Variants in MYO5B observed in about 807,000 individuals in gnomAD.
The protein encoded by MYO5B is unconventional myosin-Vb.
In MYO5B, 143 loss-of-function variants were observed where a neutral mutation model predicts 229.3. The ratio of observed to expected loss-of-function variants is 0.62; its 90% CI spans 0.54 to 0.72. The LOEUF (loss-of-function observed/expected upper bound fraction) is 0.72, where lower values mean the gene tolerates loss of function less well. Among genes scored for constraint, MYO5B ranks in the 30% least tolerant of loss-of-function variants. The pLI, the probability that MYO5B is intolerant of heterozygous loss-of-function variation, is 0.00. For missense variants in MYO5B, 2,321 were observed against 2,331.0 expected (o/e 1.00, Z 0.09); for synonymous variants, 918 against 885.2 (o/e 1.04, Z -0.66).
At chr18:50,104,000 A>T (rs1157901835) in intron 1 of MYO5B, among the ~76,000 whole-genome samples, 1 of 65,020 alleles carries the variant, frequency 1.5e-5, no homozygotes, top group Non-Finnish European at 2.7e-5. Flanking sequence ...CATCTCCATT[A>T]AAAAAAAAAA....
intron 16 of MYO5B, among the ~76,000 whole-genome samples, chr18:49,930,133 C>T (rs1173697383): frequency 6.6e-6 from 1 of 152,184 alleles, no homozygotes; most frequent in Non-Finnish European, 1.5e-5. Flanking sequence ...CCTCAGTACC[C>T]TCATCCATAT....
At chr18:50,092,484 C>T (rs1022643702) in intron 1 of MYO5B, among the ~76,000 whole-genome samples, 1 of 152,164 alleles carries the variant, frequency 6.6e-6, no homozygotes, top group Non-Finnish European at 1.5e-5. Context: ...CAGGGTGTGT[C>T]TAAAGCCATC....
intron 2 of MYO5B, among the ~76,000 whole-genome samples, chr18:50,052,028 T>C (rs995679558): frequency 5.3e-5 from 8 of 152,168 alleles, no homozygotes; most frequent in South Asian, 2.1e-4. Flanking sequence ...CCAGTTAGAA[T>C]GGCGATCATT....
chr18:50,176,046 C>T (rs1334450453), intron 1 of MYO5B, among the ~76,000 whole-genome samples: 2 of 152,260 alleles, frequency 1.3e-5, no homozygotes, highest in Non-Finnish European at 2.9e-5. Flanking sequence ...CCATTCCTCA[C>T]ATGCTATGGT....
At chr18:49,895,450 T>G (rs1192690982) in intron 21 of MYO5B, among the ~76,000 whole-genome samples, 1 of 152,238 alleles carries the variant, frequency 6.6e-6, no homozygotes, top group African/African-American at 2.4e-5. Flanking sequence ...AGCTGCCTGG[T>G]AGCAGGTGGC....
rs1380552116 is a variant in MYO5B at position 49,871,583 on chromosome 18, CAG to C, written c.3603+582_3603+583del. On this transcript the variant is annotated intron_variant, in intron 27 of 39. Coordinates refer to ENST00000285039, the MANE Select transcript of MYO5B (RefSeq NM_001080467.3). The stretch of plus-strand genomic sequence containing the variant: ...TGACAAGTCAAGTGCAGCAGTAAGA[CAG>C]GGGAAGGAATAGAACAAGGAGTTCG... 3 of 157,204 alleles carry C rather than the reference CAG, an allele frequency of 1.9e-5. No individual in the cohort carries two copies. The South Asian group carries it at 5.7e-4, about 30-fold the overall frequency. The allele number at this position is 157,204 out of a possible 1,614,324, so 9.7% of individuals were successfully genotyped here.
At chr18:50,169,020 T>C (rs80046830) in intron 1 of MYO5B, among the ~76,000 whole-genome samples, 13,352 of 125,464 alleles carry the variant, frequency 0.11, 3,786 homozygotes, top group African/African-American at 0.2. Flanking sequence ...AAAAGCTATA[T>C]AGGGGGCTTG....
At chr18:50,194,668 C>A in intron 1 of MYO5B, 99 bp downstream of exon 1, 1 of 840,616 alleles carries the variant, frequency 1.2e-6, no homozygotes, top group South Asian at 1.6e-5. Context: ...CCCGTCACCT[C>A]CCGCCTCCAG....
intron 4 of MYO5B, among the ~76,000 whole-genome samples, chr18:50,010,416 C>A (rs150137108): frequency 2.4e-4 from 36 of 152,312 alleles, no homozygotes; most frequent in Admixed American, 7.2e-4. Flanking sequence ...ACAGGCCAGA[C>A]AGAGGGAGAC....
chr18:49,980,213 G>T (rs761321145), intron 9 of MYO5B, among the ~76,000 whole-genome samples: 5 of 152,274 alleles, frequency 3.3e-5, no homozygotes, highest in East Asian at 3.9e-4. Context: ...CCAACAAAAA[G>T]AATTTATCAA....
At chr18:49,903,351 A>G (rs1433862385) in intron 20 of MYO5B, among the ~76,000 whole-genome samples, 1 of 152,232 alleles carries the variant, frequency 6.6e-6, no homozygotes. Flanking sequence ...ACCTGGTAAA[A>G]TAAATGTTTG....
At chr18:50,166,295 T>G (rs2032851094) in intron 1 of MYO5B, among the ~76,000 whole-genome samples, 1 of 152,244 alleles carries the variant, frequency 6.6e-6, no homozygotes, top group Non-Finnish European at 1.5e-5. Flanking sequence ...AGATTCTATC[T>G]GAAACCTTAA....
chr18:49,843,347 G>A lies in MYO5B; in HGVS notation c.4505C>T (p.Ala1502Val), dbSNP rs141749368. 150 of 1,614,156 alleles carry A rather than the reference G, an allele frequency of 9.3e-5. 1 individual carries two copies. In the African/African-American group the frequency reaches 1.8e-3, roughly 20 times the overall value. The change falls in exon 34 of 40, where the codon GCC becomes GTC. Residue 1502 changes from alanine (A) to valine (V), a missense_variant. By Grantham distance (64) the Ala-to-Val change is moderately conservative. Around this residue, in one of 2 missense-constraint regions of MYO5B, gnomAD observed 2,113 missense variants for 2,044.7 expected, o/e 1.03. Coordinates refer to ENST00000285039, the MANE Select transcript of MYO5B (RefSeq NM_001080467.3). ...MLSGTVPCLP[A>V]YILYMCIRHA... ...CCGGATGCACATGTAGAGGATGTAG[G>A]CGGGGAGACAGGGCACTGTGCCCGA...
At chr18:49,859,357 T>C (rs138366247) in intron 29 of MYO5B, among the ~76,000 whole-genome samples, 130 of 152,344 alleles carry the variant, frequency 8.5e-4, no homozygotes, top group Middle Eastern at 3.4e-3. Flanking sequence ...TGTGAAGATA[T>C]TGGAAAAACA....
At chr18:50,112,415 C>T (rs1053927386) in intron 1 of MYO5B, among the ~76,000 whole-genome samples, 1 of 152,172 alleles carries the variant, frequency 6.6e-6, no homozygotes, top group Non-Finnish European at 1.5e-5. Context: ...CAAGACGTCC[C>T]CATCAAGAGG....
At chr18:50,065,656 T>G (rs56064131) in intron 1 of MYO5B, among the ~76,000 whole-genome samples, 23,235 of 151,972 alleles carry the variant, frequency 0.15, 1,874 homozygotes, top group East Asian at 0.23. Context: ...TGGGTTGGGG[T>G]ACAGAGCCAA....
chr18:50,020,782 C>T (rs1339175564), intron 4 of MYO5B, among the ~76,000 whole-genome samples: 7 of 152,180 alleles, frequency 4.6e-5, no homozygotes, highest in African/African-American at 1.7e-4. Context: ...ACTTTCTCTA[C>T]CAGAAAATAT....
chr18:50,102,729 G>A lies in MYO5B; in HGVS notation c.28-47351C>T, dbSNP rs559288990. 2.3e-4 allele frequency among the ~76,000 whole-genome samples: 32 copies of A among 139,898 alleles called. No homozygotes were observed. In the South Asian group the frequency reaches 7.3e-3, roughly 32 times the overall value. 91.8% of individuals were successfully genotyped at this position (139,898 alleles called of 152,430 possible). A position where few individuals can be genotyped will look rare whatever the true frequency, so the allele number is the denominator to read the frequency against. The stretch of plus-strand genomic sequence containing the variant: ...CAGAATCTCTAACCTCAGAACCAAT[G>A]AATTAAAAAAAAAAATCCCCAGTGT... On this transcript the variant is annotated intron_variant, in intron 1 of 39. Coordinates refer to ENST00000285039, the MANE Select transcript of MYO5B (RefSeq NM_001080467.3).
At position 50,056,580 on chromosome 18, in the gene MYO5B, C is replaced by A. The variant is rs568427929; in HGVS notation, c.28-1202G>T. 1.4e-4 allele frequency among the ~76,000 whole-genome samples: 22 copies of A among 152,298 alleles called. No homozygotes were observed. In the South Asian group the frequency reaches 4.4e-3, roughly 30 times the overall value. ...AACCTGAAACAACTGGTTCTTTTGA[C>A]CAAAAGCTCAACCAGAACATGTGCT... On this transcript the variant is annotated intron_variant, in intron 1 of 39. Coordinates refer to ENST00000285039, the MANE Select transcript of MYO5B (RefSeq NM_001080467.3).
Sources: allele counts gnomAD v4.1 joint callset (sites outside exome capture counted in the v4.1 genomes callset), GRCh38; gene constraint gnomAD v4.1.1; regional missense constraint gnomAD v4.1.1; transcripts MANE v1.5; gene names NCBI Gene and HGNC (gene_info 2026-07-23, HGNC 2026-07-21).